The following LRBA variants were observed in gnomAD, a reference collection of about 807,000 sequenced individuals.
LRBA encodes LPS responsive beige-like anchor protein, also known as lipopolysaccharide-responsive and beige-like anchor protein.
A neutral mutation model predicts 330.0 loss-of-function variants in LRBA; 176 were observed. The observed-to-expected ratio is 0.53, with a 90% CI of 0.47 to 0.60. The LOEUF (loss-of-function observed/expected upper bound fraction) is 0.60. LRBA is among the 20% of genes least tolerant of loss of function. The probability of loss-of-function intolerance (pLI) is 0.00; values close to 1 mark genes in which losing one functional copy is unlikely to be tolerated. For missense variants in LRBA, 3,259 were observed against 3,444.8 expected (o/e 0.95, Z 1.35); for synonymous variants, 1,230 against 1,193.0 (o/e 1.03, Z -0.64).
intron 47 of LRBA, among the ~76,000 whole-genome samples, chr4:150,369,982 TTTC>T (rs1416558407): frequency 1.3e-5 from 2 of 152,204 alleles, no homozygotes; most frequent in African/African-American, 4.8e-5. Context: ...CTCCCAGTGC[TTTC>T]TTCATGACTG....
In LRBA at chr4:150,276,650, C is replaced by T. The variant is rs189395329; in HGVS notation, c.8468+1203G>A. Among the ~76,000 whole-genome samples, 11 of 152,196 alleles carry T rather than the reference C, an allele frequency of 7.2e-5. No individual in the cohort carries two copies. The South Asian group carries it at 8.3e-4, about 11-fold the overall frequency. ...GACACTTCTCAAAAGAAGACATTTA[C>T]GCAGCCAACAAACATATGAATAAAA... is the stretch of plus-strand genomic sequence containing the variant. On this transcript the variant is annotated intron_variant, in intron 56 of 56. Coordinates refer to ENST00000651943, the MANE Select transcript of LRBA (RefSeq NM_001364905.1).
chr4:150,659,035 C>T (rs1344598272), intron 37 of LRBA, among the ~76,000 whole-genome samples: 3 of 126,442 alleles, frequency 2.4e-5, no homozygotes. Context: ...GGTGCCCAGG[C>T]TGGAGTGCAG....
intron 37 of LRBA, among the ~76,000 whole-genome samples, chr4:150,618,870 A>ATATATT (rs1776033302): frequency 1.3e-5 from 2 of 148,646 alleles, no homozygotes; most frequent in Non-Finnish European, 3.0e-5. Context: ...ATATATATAT[A>ATATATT]TACACACATA....
chr4:150,673,820 A>G (rs965481831), intron 37 of LRBA, among the ~76,000 whole-genome samples: 4 of 152,234 alleles, frequency 2.6e-5, no homozygotes, highest in Non-Finnish European at 5.9e-5. Context: ...TATCACTTTC[A>G]TACTAATATT....
intron 2 of LRBA, among the ~76,000 whole-genome samples, chr4:150,998,861 A>G (rs760602456): frequency 3.3e-5 from 5 of 152,220 alleles, no homozygotes; most frequent in Non-Finnish European, 7.3e-5. Context: ...TCAGTGATCT[A>G]CACTAGAACT....
At chr4:150,498,533 G>A (rs1024652025) in intron 40 of LRBA, among the ~76,000 whole-genome samples, 12 of 151,830 alleles carry the variant, frequency 7.9e-5, no homozygotes, top group Admixed American at 5.9e-4. Flanking sequence ...AAATGAACCC[G>A]CAAAAGGATA....
chr4:150,960,479 G>A (rs1211653974), intron 2 of LRBA, among the ~76,000 whole-genome samples: 1 of 148,922 alleles, frequency 6.7e-6, no homozygotes, highest in African/African-American at 2.6e-5. Flanking sequence ...AATGACCTGA[G>A]ACTTAAAAAA....
intron 36 of LRBA, among the ~76,000 whole-genome samples, chr4:150,692,431 G>A (rs901996669): frequency 5.3e-5 from 8 of 151,882 alleles, no homozygotes; most frequent in Non-Finnish European, 1.0e-4. Flanking sequence ...TGTTGCCCAC[G>A]CTGGTCTCAA....
At chr4:150,458,756 T>C (rs1424300464) in intron 44 of LRBA, among the ~76,000 whole-genome samples, 1 of 151,470 alleles carries the variant, frequency 6.6e-6, no homozygotes, top group Non-Finnish European at 1.5e-5. Context: ...ATGCAATAGT[T>C]TCCCTTTATC....
chr4:150,909,082 T>C (rs1054594858), intron 9 of LRBA, among the ~76,000 whole-genome samples: 3 of 152,230 alleles, frequency 2.0e-5, no homozygotes, highest in Non-Finnish European at 1.5e-5. Flanking sequence ...AAGTGACCAA[T>C]AGATCATATT....
In LRBA at chr4:150,828,391, T is replaced by A. The variant is rs911056357; in HGVS notation, c.4960A>T (p.Thr1654Ser). 6.2e-7 allele frequency: 1 copy of A among 1,614,116 alleles called. No individual in the cohort carries two copies. The highest frequency in any genetic ancestry group is 8.5e-7 in the Non-Finnish European group (1 of 1,180,000). Residue 1654 changes from threonine (T) to serine (S), a missense_variant, in exon 30 of 57, where the codon ACC (threonine) becomes TCC (serine). Thr to Ser is a moderately conservative substitution (Grantham distance 58). Transcript: ENST00000651943. Reference protein sequence around the residue: ...LSLEVNKSPETKNDRGNDLDT... With the variant: ...LSLEVNKSPESKNDRGNDLDT... ...AAGTCATTTCCTCTATCATTTTTGG[T>A]TTCCGGAGACTTATTGACTTCTAAA...
intron 36 of LRBA, among the ~76,000 whole-genome samples, chr4:150,694,576 A>G (rs1784464692): frequency 6.6e-6 from 1 of 151,912 alleles, no homozygotes; most frequent in Non-Finnish European, 1.5e-5. Context: ...ACAATGTGTG[A>G]CAGCCACCTT....
intron 34 of LRBA, among the ~76,000 whole-genome samples, chr4:150,792,003 T>A (rs568292289): frequency 1.8e-5 from 2 of 110,454 alleles, no homozygotes; most frequent in Non-Finnish European, 3.3e-5. Flanking sequence ...CACTCCAGCC[T>A]GGGCGACAGA....
chr4:150,748,752 C>A (rs560319250), intron 35 of LRBA, among the ~76,000 whole-genome samples: 1 of 151,902 alleles, frequency 6.6e-6, no homozygotes, highest in East Asian at 1.9e-4. Flanking sequence ...CTTGTAGAAA[C>A]CTAATCTCCA....
intron 2 of LRBA, among the ~76,000 whole-genome samples, chr4:150,993,322 A>C (rs1742298442): frequency 6.6e-6 from 1 of 152,204 alleles, no homozygotes; most frequent in South Asian, 2.1e-4. Context: ...TAAAGAATAA[A>C]AAATAAATGA....
At chr4:150,471,425 T>G (rs925797832) in intron 43 of LRBA, among the ~76,000 whole-genome samples, 199 bp downstream of exon 43, 1 of 152,228 alleles carries the variant, frequency 6.6e-6, no homozygotes, top group Non-Finnish European at 1.5e-5. Flanking sequence ...TCTAGAATCA[T>G]GTAAACATTC....
At chr4:150,406,849 C>T (rs1746266808) in intron 47 of LRBA, among the ~76,000 whole-genome samples, 3 of 152,108 alleles carry the variant, frequency 2.0e-5, no homozygotes, top group Admixed American at 2.0e-4. Context: ...GGCATAATTG[C>T]AGCTCACTGC....
chr4:150,853,862 A>G (rs1750918004), intron 22 of LRBA, among the ~76,000 whole-genome samples: 1 of 152,200 alleles, frequency 6.6e-6, no homozygotes, highest in Admixed American at 6.5e-5. Context: ...TAGCCTAATT[A>G]TAGTTTATTA....
chr4:150,522,007 T>C (rs903848291), intron 40 of LRBA, among the ~76,000 whole-genome samples: 11 of 152,240 alleles, frequency 7.2e-5, no homozygotes, highest in African/African-American at 2.7e-4. Context: ...TATTATTTGA[T>C]GGTATATTAA....
Sources: gnomAD v4.1 joint callset for allele counts (sites outside exome capture counted in the v4.1 genomes callset) on GRCh38, gnomAD v4.1.1 for gene constraint, MANE v1.5 for transcripts, NCBI Gene and HGNC (gene_info 2026-07-23, HGNC 2026-07-21) for gene names.